ANO1: variants seen among roughly 807,000 people sequenced by gnomAD.
ANO1 encodes the protein anoctamin 1, also known as anoctamin-1.
Under a neutral mutation model 124.0 loss-of-function variants are expected in ANO1, and 59 were observed. That is an observed-to-expected ratio of 0.48 (90% CI 0.39 to 0.59). ANO1 has a LOEUF of 0.59. Among genes scored for constraint, ANO1 ranks in the 20% least tolerant of loss-of-function variants. ANO1 has a pLI of 0.00. For synonymous variants in ANO1, 529 were observed against 532.0 expected (o/e 0.99, Z 0.08); for missense variants, 1,059 against 1,328.0 (o/e 0.80, Z 3.15).
At chr11:70,019,218 G>A (rs975849174) in intron 1 of ANO1, among the ~76,000 whole-genome samples, 5 of 147,544 alleles carry the variant, frequency 3.4e-5, no homozygotes, top group Admixed American at 6.9e-5. Context: ...ACCTTGGGAT[G>A]CAGGGGAGGG....
chr11:70,085,879 C>T (rs189056123), intron 1 of ANO1, among the ~76,000 whole-genome samples: 1 of 152,376 alleles, frequency 6.6e-6, no homozygotes, highest in Non-Finnish European at 1.5e-5. Context: ...ATTCTGCCTG[C>T]CCCTTTTCCC....
intron 1 of ANO1, among the ~76,000 whole-genome samples, chr11:70,010,179 G>GTGTGTGTGTGTATATATATATATATA: frequency 6.6e-4 from 55 of 83,800 alleles, no homozygotes; most frequent in South Asian, 9.5e-4. Flanking sequence ...GTGTGTGTGT[G>GTGTGTGTGTGTATATATATATATATA]TATATATATA....
intron 10 of ANO1, among the ~76,000 whole-genome samples, chr11:70,127,464 G>A (rs186046147): frequency 9.8e-4 from 150 of 152,326 alleles, no homozygotes; most frequent in Middle Eastern, 3.4e-3. Context: ...CAGGGAGCTC[G>A]GAAAAGAAGG....
In ANO1 at chr11:70,038,638, C is replaced by T. The variant is rs117656871; in HGVS notation, c.59-39904C>T. Among the ~76,000 whole-genome samples, 671 of 152,244 alleles carry T rather than the reference C, an allele frequency of 4.4e-3. 3 individuals are homozygous for T. Among genetic ancestry groups the T allele is most frequent in the Admixed American group, 7.0e-3 (107 of 15,296 alleles). ...CTTGGTCCTCTCTTGTGGGGAGGTG[C>T]CCTGCCACCCTATTGCAGTGGCCCC... On this transcript the variant is annotated intron_variant, in intron 1 of 27. Coordinates refer to the ANO1 transcript ENST00000531349.
At chr11:70,062,649 G>A (rs1457838770) in intron 1 of ANO1, among the ~76,000 whole-genome samples, 4 of 152,308 alleles carry the variant, frequency 2.6e-5, no homozygotes, top group East Asian at 3.9e-4. Context: ...GTCTCAGCAA[G>A]GGGGTTCTGG....
intron 1 of ANO1, among the ~76,000 whole-genome samples, chr11:70,032,345 C>T (rs947271977): frequency 9.9e-5 from 15 of 152,032 alleles, no homozygotes; most frequent in Admixed American, 7.9e-4. Flanking sequence ...TGATGGTCGT[C>T]GGGGAGAGGC....
rs567022171 is a variant in ANO1 at position 70,179,291 on chromosome 11, G to A, written c.2351-713G>A. On this transcript the variant is annotated intron_variant, in intron 22 of 25. Transcript: ENST00000355303. ...TGATAGGGTGCAGTTAGGGTGAGGCGGGGGTCAGCCCGGGACACTGGACCA... is the reference window on the plus strand; with the variant it reads ...TGATAGGGTGCAGTTAGGGTGAGGCAGGGGTCAGCCCGGGACACTGGACCA... Among the ~76,000 whole-genome samples, 6 of 152,350 alleles carry A rather than the reference G, an allele frequency of 3.9e-5. No homozygotes were observed. In the South Asian group the frequency reaches 6.2e-4, roughly 16 times the overall value.
chr11:70,081,080 T>C (rs922488388), intron 1 of ANO1, among the ~76,000 whole-genome samples: 4 of 152,252 alleles, frequency 2.6e-5, no homozygotes, highest in African/African-American at 4.8e-5. Context: ...AACCACAAGA[T>C]AAGTTCATCC....
Position 70,058,819 on chromosome 11 carries a change from T to TA in ANO1, c.59-19721dup, listed in dbSNP as rs1170899185. ...TACCTTTCCTGAAGATTGAAGACGG[T>TA]AAGGGGTATGAAGGTTCCACTGAAT... On this transcript the variant is annotated intron_variant, in intron 1 of 27. Transcript: ENST00000531349. Among the ~76,000 whole-genome samples, 7 of 152,050 alleles carry TA rather than the reference T, an allele frequency of 4.6e-5. No individual in the cohort carries two copies. The East Asian group carries it at 1.4e-3, about 30-fold the overall frequency.
rs574700835 is a variant in ANO1, at chr11:70,009,170, G to T, written c.58+23004G>T. Among the ~76,000 whole-genome samples the T allele has an allele frequency of 5.3e-5, 8 of 152,286 alleles. No homozygotes were observed. In the South Asian group the frequency reaches 1.0e-3, roughly 20 times the overall value. On this transcript the variant is annotated intron_variant, in intron 1 of 27. Coordinates refer to the ANO1 transcript ENST00000531349. Reference sequence around the variant, plus strand: ...ACCCAGCAGAATTTATGCCAATTTGGAAATCAAAGGACAAAGGGACACAGT... The same window carrying T: ...ACCCAGCAGAATTTATGCCAATTTGTAAATCAAAGGACAAAGGGACACAGT...
chr11:70,100,247 G>A (rs1410761963), intron 2 of ANO1, among the ~76,000 whole-genome samples: 1 of 152,242 alleles, frequency 6.6e-6, no homozygotes, highest in Non-Finnish European at 1.5e-5. Context: ...CAGAGGCTGA[G>A]CGGTGGCCCC....
At chr11:70,179,705 G>A (rs559869449) in intron 22 of ANO1, among the ~76,000 whole-genome samples, 3 of 152,352 alleles carry the variant, frequency 2.0e-5, no homozygotes, top group South Asian at 2.1e-4. Context: ...TCATCTAAGC[G>A]AACTAGCATT....
In ANO1 at chr11:70,176,215, A is replaced by G. The variant is rs896511407; in HGVS notation, c.2351-3789A>G. ...CTCTTGACACCCAGGCTGAAGTGCA[A>G]TGGCATGATGCAACCTCCACCTCCT... On this transcript the variant is annotated intron_variant, in intron 22 of 25. Coordinates refer to ENST00000355303, the MANE Select transcript of ANO1 (RefSeq NM_018043.7). 3.3e-5 allele frequency among the ~76,000 whole-genome samples: 5 copies of G among 149,756 alleles called. No individual in the cohort carries two copies. In the East Asian group the frequency reaches 5.9e-4, roughly 18 times the overall value.
intron 1 of ANO1, among the ~76,000 whole-genome samples, chr11:70,019,332 G>A (rs74882099): frequency 0.02 from 3,004 of 146,930 alleles, 110 homozygotes; most frequent in African/African-American, 0.072. Flanking sequence ...ACACACGCAC[G>A]CACACACACA....
chr11:70,160,557 G>A (rs2048002558), intron 16 of ANO1, among the ~76,000 whole-genome samples: 5 of 152,144 alleles, frequency 3.3e-5, no homozygotes, highest in Admixed American at 3.3e-4. Flanking sequence ...GCTGCTGGCT[G>A]GGAGAAGGGA....
intron 24 of ANO1, among the ~76,000 whole-genome samples, chr11:70,183,412 G>C (rs1286076913): frequency 6.6e-6 from 1 of 152,188 alleles, no homozygotes; most frequent in Non-Finnish European, 1.5e-5. Flanking sequence ...GCCCCATCTT[G>C]GGTCAGATGT....
At chr11:70,098,594 G>C (rs1262418201) in intron 2 of ANO1, among the ~76,000 whole-genome samples, 2 of 152,208 alleles carry the variant, frequency 1.3e-5, no homozygotes, top group African/African-American at 4.8e-5. Context: ...TGAGGACCAG[G>C]GTAGGTGAGG....
chr11:70,080,586 G>A (rs979152350), intron 1 of ANO1, among the ~76,000 whole-genome samples: 5 of 152,102 alleles, frequency 3.3e-5, no homozygotes, highest in South Asian at 2.1e-4. Context: ...AATAGCCCCC[G>A]GTCTCTAGAG....
intron 25 of ANO1, among the ~76,000 whole-genome samples, chr11:70,186,395 G>GAAGGAAGGAAGGAAGGAAGGAAGAAAGA (rs1251399539): frequency 5.5e-5 from 8 of 145,976 alleles, no homozygotes; most frequent in African/African-American, 1.7e-4. Context: ...AGGAAGGAAG[G>GAAGGAAGGAAGGAAGGAAGGAAGAAAGA]AAGAAAGACA....
Sources: gnomAD v4.1 joint callset for allele counts (sites outside exome capture counted in the v4.1 genomes callset) on GRCh38, gnomAD v4.1.1 for gene constraint, MANE v1.5 for transcripts, NCBI Gene and HGNC (gene_info 2026-07-23, HGNC 2026-07-21) for gene names.